Variants in MAML3 observed in about 807,000 individuals in gnomAD.
The protein encoded by MAML3 is mastermind like transcriptional coactivator 3.
In MAML3, 27 loss-of-function variants were observed where a neutral mutation model predicts 101.9. That is an observed-to-expected ratio of 0.27 (90% CI 0.20 to 0.37). The LOEUF (loss-of-function observed/expected upper bound fraction) is 0.37, where lower values mean the gene tolerates loss of function less well. Ranked by LOEUF, MAML3 falls within the 10% of genes least tolerant of loss-of-function variation. MAML3 has a pLI of 1.00. For missense variants in MAML3, 1,316 were observed against 1,444.9 expected, an observed-to-expected ratio of 0.91 and a Z score of 1.45; for synonymous variants, 501 against 555.9, an observed-to-expected ratio of 0.90 and a Z score of 1.39.
At chr4:140,023,300 C>T (rs558138001) in intron 1 of MAML3, among the ~76,000 whole-genome samples, 1 of 152,282 alleles carries the variant, frequency 6.6e-6, no homozygotes, top group African/African-American at 2.4e-5. Context: ...ACGTTCTGTC[C>T]AGTCATGCAG....
At chr4:140,111,480 A>G (rs1386438144) in intron 1 of MAML3, among the ~76,000 whole-genome samples, 2 of 152,228 alleles carry the variant, frequency 1.3e-5, no homozygotes, top group Non-Finnish European at 2.9e-5. Flanking sequence ...ATTCCAATCA[A>G]TCCTGCCAAT....
chr4:140,147,557 A>G (rs1729086773), intron 1 of MAML3, among the ~76,000 whole-genome samples: 1 of 152,180 alleles, frequency 6.6e-6, no homozygotes, highest in Non-Finnish European at 1.5e-5. Context: ...GGATCTGAAA[A>G]CTCAACCATC....
chr4:140,065,152 A>C (rs889114323), intron 1 of MAML3, among the ~76,000 whole-genome samples: 1 of 152,350 alleles, frequency 6.6e-6, no homozygotes, highest in South Asian at 2.1e-4. Flanking sequence ...CTAGTAGCAA[A>C]ACAGAAGTAT....
At chr4:139,971,396 C>G (rs1385219474) in intron 1 of MAML3, among the ~76,000 whole-genome samples, 1 of 152,148 alleles carries the variant, frequency 6.6e-6, no homozygotes, top group Non-Finnish European at 1.5e-5. Flanking sequence ...TGGCTGCACA[C>G]CAGGTATAAC....
At chr4:140,073,082 C>T (rs538021649) in intron 1 of MAML3, among the ~76,000 whole-genome samples, 3 of 151,694 alleles carry the variant, frequency 2.0e-5, no homozygotes, top group Non-Finnish European at 4.4e-5. Flanking sequence ...TATGGGAGAA[C>T]TGGAAATCAA....
In MAML3 at chr4:139,927,296, G is replaced by A. The variant is rs187387618; in HGVS notation, c.469-36329C>T. Among the ~76,000 whole-genome samples, 55 of 152,106 alleles carry A rather than the reference G, an allele frequency of 3.6e-4. 1 individual carries two copies. Among genetic ancestry groups the A allele is most frequent in the African/African-American group, 1.3e-3 (53 of 41,494 alleles). On this transcript the variant is annotated intron_variant, in intron 1 of 4. Transcript: ENST00000509479. ...TAAAAATGATGTTGTGTCCTTCTTC[G>A]TACATCATATAAAGGGGTTCATGAT...
chr4:140,129,085 G>A (rs886351790), intron 1 of MAML3, among the ~76,000 whole-genome samples: 2 of 151,994 alleles, frequency 1.3e-5, no homozygotes, highest in South Asian at 2.1e-4. Context: ...CAAAACTCTC[G>A]GGGGACTCAG....
chr4:140,043,880 T>C (rs1343943833), intron 1 of MAML3, among the ~76,000 whole-genome samples: 6 of 152,210 alleles, frequency 3.9e-5, no homozygotes, highest in African/African-American at 1.4e-4. Flanking sequence ...AATTTTTCCA[T>C]GTAAATAGCA....
chr4:140,117,993 A>G (rs917869558), intron 1 of MAML3, among the ~76,000 whole-genome samples: 9 of 152,162 alleles, frequency 5.9e-5, no homozygotes, highest in Admixed American at 3.3e-4. Context: ...CACAAAAGAA[A>G]TAAAACCTTA....
intron 1 of MAML3, among the ~76,000 whole-genome samples, chr4:140,128,833 G>GGGCAGAGTGGAGAGACCCA (rs1364298166): frequency 4.6e-5 from 7 of 152,324 alleles, no homozygotes; most frequent in African/African-American, 1.7e-4. Context: ...CTTGAGGTCA[G>GGGCAGAGTGGAGAGACCCA]GGCAGAGTGG....
At chr4:139,942,320 C>A (rs1733623776) in intron 1 of MAML3, among the ~76,000 whole-genome samples, 1 of 152,132 alleles carries the variant, frequency 6.6e-6, no homozygotes, top group Non-Finnish European at 1.5e-5. Context: ...GGAGTCCATG[C>A]CCACTTACAG....
chr4:139,808,877 G>C (rs1047089852), intron 2 of MAML3, among the ~76,000 whole-genome samples: 2 of 152,220 alleles, frequency 1.3e-5, no homozygotes, highest in African/African-American at 4.8e-5. Context: ...GGGTGTGCGT[G>C]TGGGTGAATG....
chr4:140,152,998 G>A lies in MAML3; in HGVS notation c.330C>T (p.Thr110=), dbSNP rs767185455. The A allele has an allele frequency of 6.2e-7, 1 of 1,607,940 alleles. No homozygotes were observed. The highest frequency in any genetic ancestry group is 8.5e-7 in the Non-Finnish European group (1 of 1,177,426). The stretch of plus-strand genomic sequence containing the variant: ...CCAGGGTCCGCTGGTAGAGGCTCAC[G>A]GTGTCCCGGCGCTCCAGCTCCAGCT... ...VEQLELERRD[T]VSLYQRTLEQ... Residue 110 remains threonine (T), a synonymous_variant, in exon 1 of 5, where the codon ACC becomes ACT. Coordinates refer to ENST00000509479, the MANE Select transcript of MAML3 (RefSeq NM_018717.5).
chr4:140,038,090 A>G (rs1297296730), intron 1 of MAML3, among the ~76,000 whole-genome samples: 1 of 152,260 alleles, frequency 6.6e-6, no homozygotes, highest in African/African-American at 2.4e-5. Flanking sequence ...TGATTAATAA[A>G]GATCACAGGA....
chr4:139,886,949 C>T (rs183457043), intron 2 of MAML3, among the ~76,000 whole-genome samples: 53 of 152,260 alleles, frequency 3.5e-4, no homozygotes, highest in Non-Finnish European at 6.9e-4. Flanking sequence ...TTGAAATAAA[C>T]GTGCCTAAAA....
chr4:140,140,452 G>A (rs1451018294), intron 1 of MAML3, among the ~76,000 whole-genome samples: 1 of 152,106 alleles, frequency 6.6e-6, no homozygotes, highest in East Asian at 1.9e-4. Flanking sequence ...TGCTATTTAA[G>A]CCACTGAAAC....
At chr4:140,019,169 G>A (rs1040904194) in intron 1 of MAML3, among the ~76,000 whole-genome samples, 1 of 151,876 alleles carries the variant, frequency 6.6e-6, no homozygotes, top group African/African-American at 2.4e-5. Context: ...CTTTTTCCAG[G>A]GATTTGGATA....
chr4:140,081,324 G>A (rs977569544), intron 1 of MAML3, among the ~76,000 whole-genome samples: 1 of 151,322 alleles, frequency 6.6e-6, no homozygotes, highest in Non-Finnish European at 1.5e-5. Context: ...ACCTACACCC[G>A]AAGTTCCACA....
intron 1 of MAML3, among the ~76,000 whole-genome samples, chr4:139,915,988 A>G (rs552579288): frequency 6.6e-6 from 1 of 152,332 alleles, no homozygotes; most frequent in Non-Finnish European, 1.5e-5. Context: ...CATCCATTAA[A>G]TACCAGGCAA....
Sources: gnomAD v4.1 joint callset for allele counts (sites outside exome capture counted in the v4.1 genomes callset) on GRCh38, gnomAD v4.1.1 for gene constraint, MANE v1.5 for transcripts, NCBI Gene and HGNC (gene_info 2026-07-23, HGNC 2026-07-21) for gene names.